Variants in NEK7 observed in about 807,000 individuals in gnomAD.
The protein encoded by NEK7 is NIMA related kinase 7.
NEK7 carries 18 observed loss-of-function variants against 44.6 expected under a neutral mutation model. The observed-to-expected ratio is 0.40, with a 90% CI of 0.28 to 0.60. The LOEUF is 0.60. NEK7 is among the 20% of genes least tolerant of loss of function. The pLI is 0.38. For synonymous variants in NEK7, 130 were observed against 121.1 expected, an observed-to-expected ratio of 1.07 and a Z score of -0.48; for missense variants, 256 against 366.5, an observed-to-expected ratio of 0.70 and a Z score of 2.46.
chr1:198,234,329 A>G (rs150079575), intron 2 of NEK7, among the ~76,000 whole-genome samples: 1 of 152,152 alleles, frequency 6.6e-6, no homozygotes, highest in East Asian at 1.9e-4. Flanking sequence ...AAGTCCCCAT[A>G]TATATTTATG....
At chr1:198,261,765 A>G (rs922569879) in intron 3 of NEK7, among the ~76,000 whole-genome samples, 13 of 151,506 alleles carry the variant, frequency 8.6e-5, no homozygotes, top group Non-Finnish European at 1.9e-4. Context: ...TATCTTTTTG[A>G]TTGTATTTTT....
intron 9 of NEK7, among the ~76,000 whole-genome samples, chr1:198,300,609 T>C (rs1347142693): frequency 1.3e-5 from 2 of 152,180 alleles, no homozygotes; most frequent in Non-Finnish European, 2.9e-5. Flanking sequence ...CATGGATGCC[T>C]CCCCCTGCAG....
intron 1 of NEK7, among the ~76,000 whole-genome samples, chr1:198,157,549 T>A (rs983977697): frequency 6.6e-6 from 1 of 152,306 alleles, no homozygotes; most frequent in South Asian, 2.1e-4. Flanking sequence ...CCGCGGTAAC[T>A]AAGAAACTCC....
intron 9 of NEK7, among the ~76,000 whole-genome samples, chr1:198,311,448 G>T (rs1042420890): frequency 2.6e-5 from 4 of 151,352 alleles, no homozygotes; most frequent in Admixed American, 2.6e-4. Flanking sequence ...CTGCCTAATT[G>T]CCCTGGCCAG....
At chr1:198,173,054 C>T (rs1223527316) in intron 1 of NEK7, among the ~76,000 whole-genome samples, 1 of 152,086 alleles carries the variant, frequency 6.6e-6, no homozygotes, top group African/African-American at 2.4e-5. Flanking sequence ...CTGGTGTCAT[C>T]AGTAGAGAGA....
chr1:198,242,611 GCTA>G (rs1240963252), intron 2 of NEK7, among the ~76,000 whole-genome samples: 2 of 150,744 alleles, frequency 1.3e-5, no homozygotes, highest in East Asian at 3.9e-4. Flanking sequence ...ACAGGCGTGC[GCTA>G]CTACACCCTG....
At chr1:198,256,494 G>T in intron 3 of NEK7, 1 of 1,573,510 alleles carries the variant, frequency 6.4e-7, no homozygotes, top group Non-Finnish European at 8.6e-7. Context: ...AAATAAGATG[G>T]TACCTTAACT....
chr1:198,175,564 G>GT (rs1664581554), intron 1 of NEK7, among the ~76,000 whole-genome samples: 1 of 152,148 alleles, frequency 6.6e-6, no homozygotes, highest in African/African-American at 2.4e-5. Context: ...CTTTAAATCA[G>GT]TTTGGTTGTC....
intron 7 of NEK7, among the ~76,000 whole-genome samples, chr1:198,291,276 T>C (rs1654548317): frequency 6.6e-6 from 1 of 152,218 alleles, no homozygotes; most frequent in Non-Finnish European, 1.5e-5. Context: ...CTTTATGTCC[T>C]GAAACCAGGA....
intron 1 of NEK7, among the ~76,000 whole-genome samples, chr1:198,203,378 T>C (rs763781066): frequency 6.6e-6 from 1 of 152,238 alleles, no homozygotes; most frequent in Non-Finnish European, 1.5e-5. Flanking sequence ...TGAATGAATT[T>C]CTTACTTACA....
intron 2 of NEK7, chr1:198,245,497 G>C (rs1666811681): frequency 6.3e-6 from 1 of 158,718 alleles, no homozygotes; most frequent in Admixed American, 6.5e-5. Flanking sequence ...TCCCAAAGAT[G>C]AGCTGTGGTT....
At chr1:198,273,612 T>C (rs1232484644) in intron 5 of NEK7, among the ~76,000 whole-genome samples, 1 of 151,716 alleles carries the variant, frequency 6.6e-6, no homozygotes, top group East Asian at 1.9e-4. Flanking sequence ...TCCCCTCTGA[T>C]GGTAAATGTT....
At chr1:198,218,416 T>A (rs1393108825) in intron 1 of NEK7, among the ~76,000 whole-genome samples, 3 of 151,830 alleles carry the variant, frequency 2.0e-5, no homozygotes, top group Non-Finnish European at 1.5e-5. Context: ...TTACAAAAGT[T>A]AACTCAAAAT....
intron 7 of NEK7, among the ~76,000 whole-genome samples, chr1:198,292,547 T>C (rs965257631): frequency 1.3e-5 from 2 of 152,014 alleles, no homozygotes; most frequent in African/African-American, 4.8e-5. Flanking sequence ...TAAATTGTTA[T>C]ATTATTTATT....
At chr1:198,251,324 G>C (rs992628795) in intron 2 of NEK7, among the ~76,000 whole-genome samples, 7 of 149,506 alleles carry the variant, frequency 4.7e-5, no homozygotes, top group African/African-American at 1.7e-4. Flanking sequence ...CAAGGATATT[G>C]GTCTAAAATT....
At chr1:198,222,906 C>G (rs1168107246) in intron 1 of NEK7, among the ~76,000 whole-genome samples, 1 of 152,058 alleles carries the variant, frequency 6.6e-6, no homozygotes, top group African/African-American at 2.4e-5. Context: ...GGGCCGCACA[C>G]TACTTTGGCG....
chr1:198,254,037 T>G (rs527301373), intron 3 of NEK7, among the ~76,000 whole-genome samples: 1 of 152,304 alleles, frequency 6.6e-6, no homozygotes, highest in Admixed American at 6.5e-5. Context: ...CTCTTTTATC[T>G]TTTTTCTGCA....
chr1:198,174,598 A>G (rs778244405), intron 1 of NEK7, among the ~76,000 whole-genome samples: 1 of 152,196 alleles, frequency 6.6e-6, no homozygotes, highest in Non-Finnish European at 1.5e-5. Context: ...AGTGGGGCTT[A>G]GTGAAAAAGT....
intron 3 of NEK7, among the ~76,000 whole-genome samples, chr1:198,262,225 T>G (rs1653498932): frequency 6.6e-6 from 1 of 151,996 alleles, no homozygotes; most frequent in South Asian, 2.1e-4. Context: ...ATTATCATCC[T>G]CATAAGGTTG....
Sources: gnomAD v4.1 joint callset for allele counts (sites outside exome capture counted in the v4.1 genomes callset) on GRCh38, gnomAD v4.1.1 for gene constraint, MANE v1.5 for transcripts, NCBI Gene and HGNC (gene_info 2026-07-23, HGNC 2026-07-21) for gene names.